Variants in GSE1 observed in about 807,000 individuals in gnomAD.
GSE1 encodes Gse1 coiled-coil protein.
Under a neutral mutation model 112.6 loss-of-function variants are expected in GSE1, and 32 were observed. The ratio of observed to expected loss-of-function variants is 0.28; its 90% CI spans 0.21 to 0.38. GSE1 has a LOEUF of 0.38. Among genes scored for constraint, GSE1 ranks in the 10% least tolerant of loss-of-function variants. GSE1 has a pLI of 1.00. For synonymous variants in GSE1, 1,115 were observed against 735.6 expected (o/e 1.52, Z -8.35); for missense variants, 2,348 against 1,699.2 (o/e 1.38, Z -6.71).
At chr16:85,214,505 C>T (rs1347030801) in intron 1 of GSE1, among the ~76,000 whole-genome samples, 4 of 152,140 alleles carry the variant, frequency 2.6e-5, no homozygotes, top group South Asian at 2.1e-4. Context: ...AGGGAGGAGT[C>T]GGCCCCGGAG....
chr16:85,321,895 A>G (rs2046115566), intron 1 of GSE1, among the ~76,000 whole-genome samples: 2 of 152,170 alleles, frequency 1.3e-5, no homozygotes, highest in African/African-American at 4.8e-5. Flanking sequence ...TGAGGCTCCT[A>G]GAAGGACCTA....
intron 1 of GSE1, among the ~76,000 whole-genome samples, chr16:85,218,239 G>A (rs2143721355): frequency 6.6e-6 from 1 of 152,208 alleles, no homozygotes; most frequent in African/African-American, 2.4e-5. Flanking sequence ...TGCTGAGGTG[G>A]TTTTCTCCTA....
At position 85,673,750 on chromosome 16, in the gene GSE1, G is replaced by C. The variant is rs915591908; in HGVS notation, c.*1211G>C. 3 of 152,186 alleles carry C rather than the reference G, an allele frequency of 2.0e-5. No homozygotes were observed. Among genetic ancestry groups the C allele is most frequent in the Non-Finnish European group, 4.4e-5 (3 of 68,038 alleles). 9.4% of individuals were successfully genotyped at this position (152,186 alleles called of 1,614,324 possible). ...ACCCATTGCTATCAAGGGAGGAGGG[G>C]GTAGTCTGTAGAACCCATGTGTGAC... On this transcript the variant is annotated 3_prime_UTR_variant, in exon 16 of 16. Coordinates refer to ENST00000253458, the MANE Select transcript of GSE1 (RefSeq NM_014615.5).
chr16:85,420,199 C>T (rs900391721), intron 2 of GSE1, among the ~76,000 whole-genome samples: 6 of 152,152 alleles, frequency 3.9e-5, no homozygotes, highest in Admixed American at 2.6e-4. Flanking sequence ...CCAGCCTGGG[C>T]AACACAGCGA....
chr16:85,380,254 G>A (rs1490244091), intron 2 of GSE1, among the ~76,000 whole-genome samples: 1 of 152,154 alleles, frequency 6.6e-6, no homozygotes, highest in Non-Finnish European at 1.5e-5. Context: ...GAGGAGAGGT[G>A]GAGGCTGTGA....
chr16:85,372,232 C>T lies in GSE1; in HGVS notation c.2464+14589C>T, dbSNP rs543316967. On this transcript the variant is annotated intron_variant, in intron 2 of 2. Coordinates refer to the GSE1 transcript ENST00000637419. Reference sequence around the variant, plus strand: ...CCCCTGGCGGGCGCGGTGGCTTGTGCTTGTGAGATCAAGGTGGGCAGATCA... The same window carrying T: ...CCCCTGGCGGGCGCGGTGGCTTGTGTTTGTGAGATCAAGGTGGGCAGATCA... Among the ~76,000 whole-genome samples, 38 of 152,224 alleles carry T rather than the reference C, an allele frequency of 2.5e-4. No individual in the cohort carries two copies. The South Asian group carries it at 7.5e-3, about 30-fold the overall frequency.
At chr16:85,601,903 A>G (rs550426226) in intron 1 of GSE1, among the ~76,000 whole-genome samples, 1 of 152,326 alleles carries the variant, frequency 6.6e-6, no homozygotes, top group East Asian at 1.9e-4. Flanking sequence ...GATAAAGGCA[A>G]CTGGGACTTG....
chr16:85,614,063 C>T (rs1426663901), intron 1 of GSE1, among the ~76,000 whole-genome samples: 2 of 151,110 alleles, frequency 1.3e-5, no homozygotes, highest in African/African-American at 2.4e-5. Flanking sequence ...CCCCCCACCC[C>T]CGGCGGAGCG....
At chr16:85,333,472 G>A (rs752893830) in intron 1 of GSE1, among the ~76,000 whole-genome samples, 16 of 152,294 alleles carry the variant, frequency 1.1e-4, no homozygotes, top group Non-Finnish European at 1.8e-4. Context: ...CTGCAGCCCG[G>A]CCTCGGGCCC....
chr16:85,423,039 A>C (rs1436752922), intron 2 of GSE1, among the ~76,000 whole-genome samples: 2 of 152,192 alleles, frequency 1.3e-5, no homozygotes, highest in Non-Finnish European at 2.9e-5. Context: ...ATCCCTGCCC[A>C]AGGAGGCATT....
At chr16:85,623,746 G>A (rs2048886520) in intron 1 of GSE1, among the ~76,000 whole-genome samples, 2 of 152,120 alleles carry the variant, frequency 1.3e-5, no homozygotes, top group African/African-American at 2.4e-5. Context: ...CCATCTCCCC[G>A]CCTCTGAAGC....
chr16:85,670,843 C>T, intron 14 of GSE1, 152 bp from the exon 15 acceptor site: 2 of 594,434 alleles, frequency 3.4e-6, no homozygotes, highest in Non-Finnish European at 6.1e-6. Flanking sequence ...ATTCAAAGGG[C>T]TGGGAGCATT....
chr16:85,484,098 T>C lies in GSE1; in HGVS notation c.2464+126455T>C, dbSNP rs1410858683. 2.0e-5 allele frequency among the ~76,000 whole-genome samples: 3 copies of C among 152,356 alleles called. No homozygotes were observed. The East Asian group carries it at 5.8e-4, about 29-fold the overall frequency. ...GATGACGTCCCACACTTGGTGACTT[T>C]ATGTGGCTCCCGGACCAGTTATGCC... On this transcript the variant is annotated intron_variant, in intron 2 of 2. Transcript: ENST00000637419.
At chr16:85,655,144 A>G (rs2051809541) in intron 5 of GSE1, among the ~76,000 whole-genome samples, 153 bp downstream of exon 5, 1 of 152,166 alleles carries the variant, frequency 6.6e-6, no homozygotes, top group Non-Finnish European at 1.5e-5. Context: ...CTTTGAGCCT[A>G]AATTCAGCCC....
At chr16:85,593,016 A>T (rs372753188) in intron 1 of GSE1, 1 of 152,268 alleles carries the variant, frequency 6.6e-6, no homozygotes, top group South Asian at 2.1e-4. Context: ...GCTATTGGAG[A>T]GTGTCACCCC....
At chr16:85,446,323 G>A (rs367748826) in intron 2 of GSE1, among the ~76,000 whole-genome samples, 10 of 152,216 alleles carry the variant, frequency 6.6e-5, no homozygotes, top group East Asian at 1.9e-4. Flanking sequence ...GACCTTGGGC[G>A]GTAGCTGCAA....
chr16:85,381,097 C>T (rs1486166398), intron 2 of GSE1, among the ~76,000 whole-genome samples: 3 of 152,192 alleles, frequency 2.0e-5, no homozygotes, highest in Non-Finnish European at 2.9e-5. Flanking sequence ...TTAGCTCTGC[C>T]GTTCCTCACT....
intron 1 of GSE1, among the ~76,000 whole-genome samples, chr16:85,189,851 C>G (rs2074785536): frequency 2.0e-5 from 3 of 152,182 alleles, no homozygotes; most frequent in Admixed American, 2.0e-4. Flanking sequence ...CCTGTAGGTT[C>G]TGTAATGATG....
Position 85,655,819 on chromosome 16 carries a change from G to A in GSE1, c.891G>A (p.Met297Ile). 1 of 1,588,218 alleles carries A rather than the reference G, an allele frequency of 6.3e-7. No homozygotes were observed. The highest frequency in any genetic ancestry group is 8.6e-7 in the Non-Finnish European group (1 of 1,158,582). ...TGCCCCCACTGCACCCATCAGCGATGCACCTGCACCTCTCTGGGGTCCGCT... is the reference window on the plus strand; with the variant it reads ...TGCCCCCACTGCACCCATCAGCGATACACCTGCACCTCTCTGGGGTCCGCT... ...GSLPPLHPSAMHLHLSGVRYP... is the reference protein window; with the variant it reads ...GSLPPLHPSAIHLHLSGVRYP... The change falls in exon 6 of 16, where the codon ATG becomes ATA. Residue 297 changes from methionine (M) to isoleucine (I), a missense_variant. Met to Ile is a conservative substitution (Grantham distance 10). Coordinates refer to ENST00000253458, the MANE Select transcript of GSE1 (RefSeq NM_014615.5).
Sources: gnomAD v4.1 joint callset for allele counts (sites outside exome capture counted in the v4.1 genomes callset) on GRCh38, gnomAD v4.1.1 for gene constraint, MANE v1.5 for transcripts, NCBI Gene and HGNC (gene_info 2026-07-23, HGNC 2026-07-21) for gene names.